The following MCPH1 variants were observed in gnomAD, a reference collection of about 807,000 sequenced individuals.
MCPH1 encodes microcephalin.
MCPH1 carries 104 observed loss-of-function variants against 84.5 expected under a neutral mutation model. The observed-to-expected ratio is 1.23, with a 90% CI of 1.05 to 1.45. The LOEUF is 1.45. Among genes scored for constraint, MCPH1 ranks in the 40% most tolerant of loss-of-function variants. The probability of loss-of-function intolerance (pLI) is 0.00; values close to 1 mark genes in which losing one functional copy is unlikely to be tolerated. For synonymous variants in MCPH1, 514 were observed against 366.8 expected, an observed-to-expected ratio of 1.40 and a Z score of -4.58; for missense variants, 1,498 against 1,005.7, an observed-to-expected ratio of 1.49 and a Z score of -6.62.
rs1006612681 is a variant in MCPH1, at chr8:6,645,003, G to A, written c.*1954G>A. The A allele has an allele frequency of 1.3e-5, 2 of 152,218 alleles. 1 individual carries two copies. The highest frequency in any genetic ancestry group is 2.9e-5 in the Non-Finnish European group (2 of 68,044). 9.4% of individuals were successfully genotyped at this position (152,218 alleles called of 1,614,324 possible). On this transcript the variant is annotated 3_prime_UTR_variant, in exon 14 of 14. Coordinates refer to ENST00000344683, the MANE Select transcript of MCPH1 (RefSeq NM_024596.5). ...CTTCAATACAATGAGTCATTCCTGA[G>A]TTCACTCGCTTCACATTACATATGT...
intron 12 of MCPH1, among the ~76,000 whole-genome samples, chr8:6,607,637 T>C (rs1829894698): frequency 6.6e-6 from 1 of 152,170 alleles, no homozygotes; most frequent in African/African-American, 2.4e-5. Context: ...TGGGAGATAA[T>C]CGAATCATGG....
At chr8:6,609,675 C>T (rs1486691679) in intron 12 of MCPH1, among the ~76,000 whole-genome samples, 1 of 152,200 alleles carries the variant, frequency 6.6e-6, no homozygotes, top group East Asian at 1.9e-4. Flanking sequence ...TGCGCTTTTA[C>T]TTTTTGCATA....
intron 9 of MCPH1, among the ~76,000 whole-genome samples, chr8:6,456,088 G>C (rs1413669767): frequency 3.3e-5 from 5 of 152,122 alleles, no homozygotes; most frequent in African/African-American, 1.2e-4. Flanking sequence ...AAATTACACA[G>C]ATTTCATGAA....
chr8:6,551,830 G>T (rs1217910849), intron 12 of MCPH1, among the ~76,000 whole-genome samples: 1 of 152,134 alleles, frequency 6.6e-6, no homozygotes, highest in African/African-American at 2.4e-5. Flanking sequence ...ATACAATAAC[G>T]TACTTTCTCG....
At chr8:6,527,416 TCTC>T in intron 12 of MCPH1, 1 of 1,025,062 alleles carries the variant, frequency 9.8e-7, no homozygotes. Context: ...CCCTCTCCCT[TCTC>T]CTCCCTCATG....
chr8:6,535,283 A>G (rs1820278527), intron 12 of MCPH1, among the ~76,000 whole-genome samples: 1 of 152,224 alleles, frequency 6.6e-6, no homozygotes, highest in African/African-American at 2.4e-5. Flanking sequence ...CTCCAGAGAT[A>G]TGAGAGGATT....
intron 11 of MCPH1, among the ~76,000 whole-genome samples, chr8:6,484,468 G>GT (rs1300166014): frequency 6.6e-6 from 1 of 152,254 alleles, no homozygotes; most frequent in African/African-American, 2.4e-5. Flanking sequence ...TTGAGAAACA[G>GT]TTTGACAGTT....
intron 4 of MCPH1, 100 bp from the exon 5 acceptor site, chr8:6,435,948 C>G (rs1369237955): frequency 1.4e-6 from 2 of 1,401,416 alleles, no homozygotes; most frequent in Non-Finnish European, 1.9e-6. Context: ...TTTTTTATTA[C>G]TGATGTTATA....
At chr8:6,483,173 C>T (rs1326642724) in intron 11 of MCPH1, among the ~76,000 whole-genome samples, 3 of 152,026 alleles carry the variant, frequency 2.0e-5, no homozygotes, top group African/African-American at 7.2e-5. Context: ...TTTTAAAGCT[C>T]AAAGAACTAA....
chr8:6,527,423 C>T (rs1818536196), intron 12 of MCPH1: 4 of 1,084,072 alleles, frequency 3.7e-6, no homozygotes, highest in South Asian at 3.5e-5. Flanking sequence ...CCTTCTCCTC[C>T]CTCATGAGGT....
intron 12 of MCPH1, among the ~76,000 whole-genome samples, chr8:6,539,410 G>A (rs1435607037): frequency 6.6e-6 from 1 of 152,164 alleles, no homozygotes; most frequent in African/African-American, 2.4e-5. Context: ...AAGGCCGAGG[G>A]AGGGAAGCCT....
chr8:6,532,545 C>G, intron 12 of MCPH1: 1 of 1,324,332 alleles, frequency 7.6e-7, no homozygotes, highest in Non-Finnish European at 1.0e-6. Flanking sequence ...AACCTGATTC[C>G]TAAATGTTTG....
In MCPH1 at chr8:6,516,583, A is replaced by G. The variant is rs566588876; in HGVS notation, c.2214+16654A>G. ...CTCTTATTTGCCTGCAGTCAACAAA[A>G]TGGTCAGTGCTGCTCACTTCTATCA... On this transcript the variant is annotated intron_variant, in intron 12 of 13. Transcript: ENST00000344683. Among the ~76,000 whole-genome samples, 3 of 152,342 alleles carry G rather than the reference A, an allele frequency of 2.0e-5. No homozygotes were observed. In the South Asian group the frequency reaches 6.2e-4, roughly 32 times the overall value.
intron 9 of MCPH1, among the ~76,000 whole-genome samples, chr8:6,457,259 C>T (rs1393389733): frequency 6.6e-6 from 1 of 152,186 alleles, no homozygotes; most frequent in African/African-American, 2.4e-5. Flanking sequence ...TCCACCACTT[C>T]TGGTTCTGTG....
intron 12 of MCPH1, among the ~76,000 whole-genome samples, chr8:6,558,983 C>G (rs947782624): frequency 3.3e-5 from 5 of 151,998 alleles, no homozygotes; most frequent in Non-Finnish European, 7.4e-5. Flanking sequence ...GTGAAACTGT[C>G]TCTTCTACAT....
chr8:6,452,859 C>G (rs771669233), intron 8 of MCPH1, among the ~76,000 whole-genome samples: 2 of 152,224 alleles, frequency 1.3e-5, no homozygotes, highest in African/African-American at 4.8e-5. Flanking sequence ...GACAGACATT[C>G]ATCCAACTGG....
At chr8:6,532,477 T>G (rs199554025) in intron 12 of MCPH1, 1 of 1,612,180 alleles carries the variant, frequency 6.2e-7, no homozygotes, top group Non-Finnish European at 8.5e-7. Flanking sequence ...GTCCTGGATA[T>G]AATTCTCAAG....
At chr8:6,497,753 C>G (rs1188696920) in intron 11 of MCPH1, among the ~76,000 whole-genome samples, 1 of 152,104 alleles carries the variant, frequency 6.6e-6, no homozygotes, top group Non-Finnish European at 1.5e-5. Context: ...CTTAATTTTG[C>G]TATGAAGCTA....
intron 8 of MCPH1, among the ~76,000 whole-genome samples, chr8:6,449,390 T>G (rs1245826813): frequency 6.6e-6 from 1 of 152,182 alleles, no homozygotes; most frequent in African/African-American, 2.4e-5. Flanking sequence ...TCTCAGCACT[T>G]TGGGAGGCCG....
Sources: allele counts gnomAD v4.1 joint callset (sites outside exome capture counted in the v4.1 genomes callset), GRCh38; gene constraint gnomAD v4.1.1; transcripts MANE v1.5; gene names NCBI Gene and HGNC (gene_info 2026-07-23, HGNC 2026-07-21).